The following GARS1 variants were observed in gnomAD, a reference collection of about 807,000 sequenced individuals.
GARS1 encodes glycine--tRNA ligase.
In GARS1, 46 loss-of-function variants were observed where a neutral mutation model predicts 86.4. That is an observed-to-expected ratio of 0.53 (90% confidence interval 0.42 to 0.68). The LOEUF is 0.68. GARS1 is among the 30% of genes least tolerant of loss of function. GARS1 has a pLI of 0.00. For synonymous variants in GARS1, 342 were observed against 329.8 expected (o/e 1.04, Z -0.40); for missense variants, 797 against 915.6 (o/e 0.87, Z 1.67).
Position 30,631,531 on chromosome 7 carries a change from C to G in GARS1, c.1893C>G (p.Val631=), listed in dbSNP as rs1216641572. The stretch of plus-strand genomic sequence containing the variant: ...AAAACCAGGAGTTCATGCCATTTGT[C>G]AAGGAATTATGTAAGCAAATTCAAT... ...LSQNQEFMPF[V]KELSEALTRH... Residue 631 remains valine (V), a synonymous_variant, in exon 15 of 17, where the codon GTC becomes GTG. Transcript: ENST00000389266. 1 of 1,611,430 alleles carries G rather than the reference C, an allele frequency of 6.2e-7. No individual in the cohort carries two copies. Among genetic ancestry groups the G allele is most frequent in the South Asian group, 1.1e-5 (1 of 91,018 alleles).
intron 10 of GARS1, 26 bp from the exon 11 acceptor site, chr7:30,621,367 T>A (rs748094971): frequency 1.3e-6 from 2 of 1,575,214 alleles, no homozygotes; most frequent in Admixed American, 1.7e-5. Context: ...AAGTAAGTAA[T>A]GTTTTTATTG....
chr7:30,604,708 A>T (rs1791448812), intron 6 of GARS1, among the ~76,000 whole-genome samples: 1 of 152,164 alleles, frequency 6.6e-6, no homozygotes, highest in Admixed American at 6.5e-5. Flanking sequence ...GTAATTACTC[A>T]TGGTTTAGAA....
chr7:30,625,094 C>T (rs1317158901), intron 12 of GARS1, among the ~76,000 whole-genome samples: 1 of 152,144 alleles, frequency 6.6e-6, no homozygotes, highest in Non-Finnish European at 1.5e-5. Flanking sequence ...AGGTGTGCAC[C>T]ACCACGCCTA....
intron 8 of GARS1, among the ~76,000 whole-genome samples, chr7:30,615,424 C>T (rs950698180): frequency 9.9e-5 from 15 of 152,164 alleles, no homozygotes; most frequent in African/African-American, 3.4e-4. Context: ...CTGCATGTCA[C>T]TATTCAATAT....
intron 8 of GARS1, among the ~76,000 whole-genome samples, chr7:30,613,408 T>G (rs1188723955): frequency 6.6e-6 from 1 of 152,206 alleles, no homozygotes; most frequent in Non-Finnish European, 1.5e-5. Flanking sequence ...TGTCTGAGTG[T>G]TTTTGTTTTT....
Position 30,612,186 on chromosome 7 carries a change from C to T in GARS1, c.972C>T (p.Ala324=), listed in dbSNP as rs764305863. The T allele has an allele frequency of 6.2e-7, 1 of 1,614,054 alleles. No homozygotes were observed. The highest frequency in any genetic ancestry group is 8.5e-7 in the Non-Finnish European group (1 of 1,179,974). The change falls in exon 8 of 17, where the codon GCC becomes GCT. Residue 324 remains alanine, a synonymous_variant. Transcript: ENST00000389266. ...FNQGKLPFAA[A]QIGNSFRNEI... ...AAGGAAAGTTGCCTTTTGCTGCTGCCCAGATTGGAAATTCTTTTAGAAATG... is the reference window on the plus strand; with the variant it reads ...AAGGAAAGTTGCCTTTTGCTGCTGCTCAGATTGGAAATTCTTTTAGAAATG...
intron 6 of GARS1, among the ~76,000 whole-genome samples, chr7:30,605,241 C>A (rs908055795): frequency 6.6e-6 from 1 of 152,226 alleles, no homozygotes; most frequent in Non-Finnish European, 1.5e-5. Flanking sequence ...CCCTGATTCA[C>A]CTTCTGTGGT....
At chr7:30,605,476 A>G (rs1482836516) in intron 6 of GARS1, among the ~76,000 whole-genome samples, 2 of 152,186 alleles carry the variant, frequency 1.3e-5, no homozygotes, top group Non-Finnish European at 2.9e-5. Flanking sequence ...ATTTTTTTGT[A>G]TCTATTCCCC....
chr7:30,626,299 G>A lies in GARS1; in HGVS notation c.1679G>A (p.Arg560Lys), dbSNP rs1783126038. The stretch of plus-strand genomic sequence containing the variant: ...ACAAAAGACATGATCAATGTGAAGA[G>A]ATTCCAGAAAACACTATATGGTAAA... ...QLTKDMINVK[R>K]FQKTLYVEEV... is the part of the protein sequence containing the mutation. The change falls in exon 13 of 17, where the codon AGA (arginine) becomes AAA (lysine). Residue 560 changes from arginine to lysine, a missense_variant. Physicochemically the swap from Arg to Lys is conservative, Grantham distance 26 (BLOSUM62 2). Coordinates refer to ENST00000389266, the MANE Select transcript of GARS1 (RefSeq NM_002047.4). The A allele has an allele frequency of 6.3e-7, 1 of 1,595,262 alleles. No individual in the cohort carries two copies. The highest frequency in any genetic ancestry group is 1.3e-5 in the African/African-American group (1 of 74,608).
At chr7:30,620,411 A>G (rs1183089718) in intron 10 of GARS1, among the ~76,000 whole-genome samples, 1 of 152,062 alleles carries the variant, frequency 6.6e-6, no homozygotes, top group Non-Finnish European at 1.5e-5. Flanking sequence ...GTATCCTCAC[A>G]TGGTGAAAGA....
intron 9 of GARS1, among the ~76,000 whole-genome samples, 165 bp downstream of exon 9, chr7:30,616,223 A>G (rs899871677): frequency 1.3e-5 from 2 of 152,238 alleles, no homozygotes; most frequent in African/African-American, 4.8e-5. Context: ...TTATTATAGT[A>G]AGAGAAAAAT....
At chr7:30,609,767 A>G (rs1412272545) in intron 7 of GARS1, 37 bp downstream of exon 7, 2 of 1,603,420 alleles carry the variant, frequency 1.2e-6, no homozygotes, top group African/African-American at 2.7e-5. Flanking sequence ...TTATGTAATG[A>G]AGTTTTTAAA....
Position 30,598,916 on chromosome 7 carries a change from A to C in GARS1, c.324+19A>C, listed in dbSNP as rs1249363035. The C allele has an allele frequency of 1.9e-6, 3 of 1,569,812 alleles. No homozygotes were observed. Among genetic ancestry groups the C allele is most frequent in the Non-Finnish European group, 2.6e-6 (3 of 1,139,734 alleles). ...AGCAAAGGTGAGTCCTGGGATGCTA[A>C]AATAGGAACATAAGTAGGTATAGGA... On this transcript the variant is annotated intron_variant, in intron 2 of 16. Transcript: ENST00000389266.
chr7:30,631,945 A>G (rs1783242362), intron 15 of GARS1: 1 of 421,430 alleles, frequency 2.4e-6, no homozygotes, highest in Non-Finnish European at 4.4e-6. Flanking sequence ...GGGAGAGTCC[A>G]TTGACCTGCT....
chr7:30,601,767 T>C (rs1418003110), intron 4 of GARS1, among the ~76,000 whole-genome samples: 2 of 152,168 alleles, frequency 1.3e-5, no homozygotes, highest in African/African-American at 4.8e-5. Flanking sequence ...TTATTGAAAG[T>C]AGGGCAGAAT....
intron 10 of GARS1, among the ~76,000 whole-genome samples, chr7:30,620,877 T>G (rs1272295363): frequency 6.6e-6 from 1 of 152,214 alleles, no homozygotes; most frequent in East Asian, 1.9e-4. Context: ...AAATTCATTT[T>G]GATTTCTGTT....
At position 30,594,989 on chromosome 7, in the gene GARS1, G is replaced by T. The variant is rs1368177047; in HGVS notation, c.68G>T (p.Arg23Leu). 1.3e-6 allele frequency: 2 copies of T among 1,593,330 alleles called. No individual in the cohort carries two copies. Among genetic ancestry groups the T allele is most frequent in the Non-Finnish European group, 1.7e-6 (2 of 1,177,446 alleles). ...GCTCTGCTGCTGCTGCTGCCGCCCCGGCTCTTAGCCCGACCCTCGCTCCTG... is the reference window on the plus strand; with the variant it reads ...GCTCTGCTGCTGCTGCTGCCGCCCCTGCTCTTAGCCCGACCCTCGCTCCTG... The part of the protein sequence containing the change: ...RAALLLLLPP[R>L]LLARPSLLLR... The change falls in exon 1 of 17, where the codon CGG becomes CTG. Residue 23 changes from arginine to leucine, a missense_variant. Arg to Leu is a moderately radical substitution (Grantham distance 102). Coordinates refer to ENST00000389266, the MANE Select transcript of GARS1 (RefSeq NM_002047.4).
chr7:30,631,537 A>G lies in GARS1; in HGVS notation c.1899A>G (p.Glu633=). Residue 633 remains glutamate, a synonymous_variant, in exon 15 of 17, where the codon GAA becomes GAG. Transcript: ENST00000389266. ...AGGAGTTCATGCCATTTGTCAAGGAATTATGTAAGCAAATTCAATTGGGTA... is the reference window on the plus strand; with the variant it reads ...AGGAGTTCATGCCATTTGTCAAGGAGTTATGTAAGCAAATTCAATTGGGTA... ...QNQEFMPFVK[E]LSEALTRHGV... is the part of the protein sequence containing the mutation. 1 of 1,608,504 alleles carries G rather than the reference A, an allele frequency of 6.2e-7. No homozygotes were observed. The highest frequency in any genetic ancestry group is 8.5e-7 in the Non-Finnish European group (1 of 1,175,072).
intron 6 of GARS1, among the ~76,000 whole-genome samples, chr7:30,607,728 A>G (rs1037224884): frequency 5.3e-5 from 8 of 152,200 alleles, no homozygotes; most frequent in African/African-American, 1.9e-4. Context: ...ATAATCATAT[A>G]AAGCATTTTT....
Sources: allele counts gnomAD v4.1 joint callset (sites outside exome capture counted in the v4.1 genomes callset), GRCh38; gene constraint gnomAD v4.1.1; transcripts MANE v1.5; gene names NCBI Gene and HGNC (gene_info 2026-07-23, HGNC 2026-07-21).